Variants in CREB5 observed in about 807,000 individuals in gnomAD.
The protein encoded by CREB5 is cAMP responsive element binding protein 5, also known as cyclic AMP-responsive element-binding protein 5.
CREB5 carries 19 observed loss-of-function variants against 57.1 expected under a neutral mutation model. The ratio of observed to expected loss-of-function variants is 0.33; its 90% CI spans 0.23 to 0.49. CREB5 has a LOEUF of 0.49. Ranked by LOEUF, CREB5 falls within the 20% of genes least tolerant of loss-of-function variation. The pLI, the probability that CREB5 is intolerant of heterozygous loss-of-function variation, is 0.99. For synonymous variants in CREB5, 238 were observed against 238.3 expected, an observed-to-expected ratio of 1.00 and a Z score of 0.01; for missense variants, 579 against 671.6, an observed-to-expected ratio of 0.86 and a Z score of 1.52.
intron 5 of CREB5, among the ~76,000 whole-genome samples, chr7:28,709,280 T>C (rs1294819841): frequency 6.6e-6 from 1 of 152,144 alleles, no homozygotes; most frequent in Non-Finnish European, 1.5e-5. Flanking sequence ...AAGGTCTTTA[T>C]AAAAAGCCTT....
Position 28,724,202 on chromosome 7 carries a change from T to C in CREB5, c.592-20T>C. On this transcript the variant is annotated intron_variant, in intron 6 of 10. Transcript: ENST00000357727. ...GACTGCCTTTGCAGACTTCTAATTC[T>C]TTTCTTTCCTTTCTCTTAGATGGAG... 1 of 1,606,072 alleles carries C rather than the reference T, an allele frequency of 6.2e-7. No individual in the cohort carries two copies. The highest frequency in any genetic ancestry group is 8.5e-7 in the Non-Finnish European group (1 of 1,176,504).
intron 1 of CREB5, among the ~76,000 whole-genome samples, chr7:28,483,854 C>A (rs916738435): frequency 1.3e-5 from 2 of 152,280 alleles, no homozygotes; most frequent in African/African-American, 4.8e-5. Context: ...GGAGAGATTT[C>A]TTCTCTGGCC....
intron 5 of CREB5, among the ~76,000 whole-genome samples, chr7:28,645,610 G>A (rs1218513623): frequency 6.6e-6 from 1 of 152,176 alleles, no homozygotes; most frequent in Non-Finnish European, 1.5e-5. Context: ...TTTCTTAATG[G>A]TCAGAGGAAG....
In CREB5 at chr7:28,819,094, TTG is replaced by T; in HGVS notation, c.1364-20_1364-19del. 2 of 1,607,660 alleles carry T rather than the reference TTG, an allele frequency of 1.2e-6. No homozygotes were observed. The highest frequency in any genetic ancestry group is 1.1e-5 in the South Asian group (1 of 89,864). ...ATTGGTGTGTGTGTATGTGTGTGTGTTGTCTTTTTTTTTCTCCCTAGGTCCAG... is the reference window on the plus strand; with the variant it reads ...ATTGGTGTGTGTGTATGTGTGTGTGTTCTTTTTTTTTCTCCCTAGGTCCAG... On this transcript the variant is annotated intron_variant, in intron 10 of 10. Transcript: ENST00000357727.
rs373164244 is a variant in CREB5, at chr7:28,530,337, C to T, written c.291+22600C>T. ...GCAGCTTATCAAAGGGAACAAGGTT[C>T]ACCATCACTGAGACCTAGGAAGGGG... On this transcript the variant is annotated intron_variant, in intron 4 of 10. Transcript: ENST00000357727. Among the ~76,000 whole-genome samples the T allele has an allele frequency of 7.9e-5, 12 of 152,302 alleles. No individual in the cohort carries two copies. In the East Asian group the frequency reaches 1.4e-3, roughly 17 times the overall value.
intron 5 of CREB5, chr7:28,686,311 T>A: frequency 4.1e-6 from 3 of 733,014 alleles, no homozygotes; most frequent in Non-Finnish European, 7.1e-6. Flanking sequence ...TTTCTCCCCC[T>A]TCTCCCTTTC....
At chr7:28,378,918 C>T (rs1786901913) in intron 1 of CREB5, among the ~76,000 whole-genome samples, 1 of 152,166 alleles carries the variant, frequency 6.6e-6, no homozygotes, top group South Asian at 2.1e-4. Flanking sequence ...CTTCCTGACC[C>T]GTAAGCCTGT....
intron 4 of CREB5, chr7:28,513,951 AAGT>A (rs1165250248): frequency 6.6e-6 from 1 of 152,180 alleles, no homozygotes; most frequent in East Asian, 1.9e-4. Flanking sequence ...GGTATCCTGA[AAGT>A]AGCAATATAC....
chr7:28,321,207 G>A (rs189149587), intron 1 of CREB5, among the ~76,000 whole-genome samples: 1 of 152,256 alleles, frequency 6.6e-6, no homozygotes, highest in East Asian at 1.9e-4. Context: ...CATTGTCTTT[G>A]CCTCTTCATC....
chr7:28,757,708 G>A (rs951868272), intron 7 of CREB5, among the ~76,000 whole-genome samples: 12 of 151,942 alleles, frequency 7.9e-5, no homozygotes, highest in Admixed American at 2.6e-4. Context: ...ATGAATTGTG[G>A]TAGTAGTGGT....
At chr7:28,749,772 G>A (rs2128762641) in intron 7 of CREB5, among the ~76,000 whole-genome samples, 1 of 152,202 alleles carries the variant, frequency 6.6e-6, no homozygotes, top group Middle Eastern at 3.4e-3. Context: ...TAGGTTGCTA[G>A]GGGTACCTAA....
intron 5 of CREB5, among the ~76,000 whole-genome samples, chr7:28,590,112 C>T (rs1013260898): frequency 6.6e-6 from 1 of 152,114 alleles, no homozygotes; most frequent in Non-Finnish European, 1.5e-5. Flanking sequence ...TTGTGGAAGA[C>T]AGTGTGGCGA....
intron 1 of CREB5, among the ~76,000 whole-genome samples, chr7:28,400,951 A>G (rs1787449171): frequency 6.6e-6 from 1 of 152,222 alleles, no homozygotes; most frequent in Non-Finnish European, 1.5e-5. Flanking sequence ...TTCCCTGTAT[A>G]TAAAACATTC....
intron 5 of CREB5, among the ~76,000 whole-genome samples, chr7:28,635,962 T>G (rs1798403351): frequency 6.6e-6 from 1 of 152,194 alleles, no homozygotes; most frequent in Admixed American, 6.5e-5. Context: ...ATCCAGCAAC[T>G]TCTCAGTTGA....
At chr7:28,301,928 A>C (rs1785103712) in intron 1 of CREB5, among the ~76,000 whole-genome samples, 1 of 152,216 alleles carries the variant, frequency 6.6e-6, no homozygotes, top group Non-Finnish European at 1.5e-5. Context: ...AGGTTTGCCA[A>C]ATAGGAAAAG....
At chr7:28,686,101 G>A in intron 5 of CREB5, 1 of 1,607,304 alleles carries the variant, frequency 6.2e-7, no homozygotes, top group African/African-American at 1.3e-5. Context: ...ACTCACTCAA[G>A]CTAGTTAAGC....
At chr7:28,777,474 T>G (rs1280072110) in intron 7 of CREB5, among the ~76,000 whole-genome samples, 1 of 152,188 alleles carries the variant, frequency 6.6e-6, no homozygotes, top group Admixed American at 6.5e-5. Flanking sequence ...TAAAGACTAG[T>G]AGAAAAATAC....
At chr7:28,505,228 GCACGCACA>G (rs1792435146) in intron 3 of CREB5, among the ~76,000 whole-genome samples, 1 of 151,876 alleles carries the variant, frequency 6.6e-6, no homozygotes, top group African/African-American at 2.4e-5. Context: ...ATGCACACAC[GCACGCACA>G]CACGCACATA....
At position 28,615,212 on chromosome 7, in the gene CREB5, G is replaced by C. The variant is rs574718894; in HGVS notation, c.464+44675G>C. 5 of 152,350 alleles carry C rather than the reference G, an allele frequency of 3.3e-5. No homozygotes were observed. The East Asian group carries it at 9.6e-4, about 29-fold the overall frequency. 9.4% of individuals were successfully genotyped at this position (152,350 alleles called of 1,614,324 possible). On this transcript the variant is annotated intron_variant, in intron 5 of 10. Transcript: ENST00000357727. Reference sequence around the variant, plus strand: ...GTTAATGTGGTCTCTTTCCAGAGGTGGGTTGGGAGGTAAAATAGCTCAATG... The same window carrying C: ...GTTAATGTGGTCTCTTTCCAGAGGTCGGTTGGGAGGTAAAATAGCTCAATG...
Sources: gnomAD v4.1 joint callset for allele counts (sites outside exome capture counted in the v4.1 genomes callset) on GRCh38, gnomAD v4.1.1 for gene constraint, MANE v1.5 for transcripts, NCBI Gene and HGNC (gene_info 2026-07-23, HGNC 2026-07-21) for gene names.